Variants in RIPOR2 observed in about 807,000 individuals in gnomAD.
The protein encoded by RIPOR2 is RHO family interacting cell polarization regulator 2.
Under a neutral mutation model 114.5 loss-of-function variants are expected in RIPOR2, and 39 were observed. The observed-to-expected ratio is 0.34, with a 90% CI of 0.26 to 0.44. The LOEUF is 0.44. Among genes scored for constraint, RIPOR2 ranks in the 20% least tolerant of loss-of-function variants. The probability of loss-of-function intolerance (pLI) is 1.00; values close to 1 mark genes in which losing one functional copy is unlikely to be tolerated. For missense variants in RIPOR2, 1,007 were observed against 1,255.1 expected (o/e 0.80, Z 2.99); for synonymous variants, 445 against 484.4 (o/e 0.92, Z 1.07).
chr6:24,881,038 T>C (rs951449789), intron 1 of RIPOR2, among the ~76,000 whole-genome samples: 1 of 152,082 alleles, frequency 6.6e-6, no homozygotes, highest in Non-Finnish European at 1.5e-5. Flanking sequence ...GGTCAGGAGT[T>C]TGAGACCAGC....
intron 1 of RIPOR2, among the ~76,000 whole-genome samples, chr6:24,945,047 T>G (rs1772338939): frequency 6.6e-6 from 1 of 152,118 alleles, no homozygotes; most frequent in Admixed American, 6.6e-5. Context: ...GATATATGTT[T>G]GAAGTGATGG....
chr6:24,870,844 C>G, intron 5 of RIPOR2, 22 bp downstream of exon 5: 2 of 1,596,144 alleles, frequency 1.3e-6, no homozygotes, highest in Non-Finnish European at 1.7e-6. Context: ...TATTAGCACC[C>G]CAACACGGAA....
intron 1 of RIPOR2, among the ~76,000 whole-genome samples, chr6:24,929,099 G>C (rs1771179893): frequency 6.6e-6 from 1 of 152,040 alleles, no homozygotes; most frequent in African/African-American, 2.4e-5. Context: ...TTGCTTTCTG[G>C]AGAAACACTG....
chr6:24,885,014 AATTATT>A (rs1766695716), intron 1 of RIPOR2, among the ~76,000 whole-genome samples: 1 of 152,190 alleles, frequency 6.6e-6, no homozygotes, highest in African/African-American at 2.4e-5. Context: ...CAATCAATAT[AATTATT>A]AAGTATATAT....
chr6:24,859,419 C>G (rs1245652344), intron 8 of RIPOR2, among the ~76,000 whole-genome samples: 2 of 152,102 alleles, frequency 1.3e-5, no homozygotes. Context: ...ATTGATCAGG[C>G]TGCTGATAGA....
chr6:24,847,689 C>T (rs1462514417), intron 12 of RIPOR2: 6 of 1,550,272 alleles, frequency 3.9e-6, no homozygotes, highest in Admixed American at 2.0e-5. Context: ...GATGCAGCCA[C>T]CTCTTCAGAA....
chr6:24,972,579 G>A (rs562076365), intron 1 of RIPOR2, among the ~76,000 whole-genome samples: 2 of 152,310 alleles, frequency 1.3e-5, no homozygotes, highest in Admixed American at 6.5e-5. Flanking sequence ...GGCTTCAGGG[G>A]TTTTATGATG....
chr6:25,038,615 A>G (rs1185374125), intron 1 of RIPOR2, among the ~76,000 whole-genome samples: 1 of 152,240 alleles, frequency 6.6e-6, no homozygotes, highest in Non-Finnish European at 1.5e-5. Context: ...CAGGCCTACA[A>G]CTGCAAGGAA....
chr6:24,843,797 G>A (rs1346015716), intron 12 of RIPOR2, among the ~76,000 whole-genome samples: 1 of 151,338 alleles, frequency 6.6e-6, no homozygotes, highest in Non-Finnish European at 1.5e-5. Flanking sequence ...TTGAATCTAG[G>A]TGAAAGTTCA....
intron 1 of RIPOR2, among the ~76,000 whole-genome samples, chr6:25,034,225 C>T (rs1033235326): frequency 5.4e-5 from 8 of 147,068 alleles, no homozygotes; most frequent in Admixed American, 2.8e-4. Context: ...ATACAACATG[C>T]GCATATTAGC....
intron 1 of RIPOR2, among the ~76,000 whole-genome samples, chr6:24,919,025 C>T (rs1466480835): frequency 3.9e-5 from 6 of 152,222 alleles, no homozygotes; most frequent in Non-Finnish European, 8.8e-5. Context: ...CAAGATTCAT[C>T]CCCATGGGCC....
chr6:24,900,926 C>T (rs1008538078), intron 1 of RIPOR2, among the ~76,000 whole-genome samples: 1 of 152,144 alleles, frequency 6.6e-6, no homozygotes, highest in African/African-American at 2.4e-5. Context: ...ATGATCTTCC[C>T]ACCTCAGCCT....
intron 1 of RIPOR2, among the ~76,000 whole-genome samples, chr6:24,971,974 C>T (rs919446171): frequency 9.2e-5 from 14 of 151,968 alleles, no homozygotes; most frequent in East Asian, 7.7e-4. Flanking sequence ...ATAGAGCTTT[C>T]GACATATTAT....
intron 1 of RIPOR2, among the ~76,000 whole-genome samples, chr6:24,957,708 C>T (rs571973413): frequency 6.6e-6 from 1 of 151,954 alleles, no homozygotes; most frequent in East Asian, 1.9e-4. Context: ...CCCGTCTCCA[C>T]TGAAAAATAC....
intron 1 of RIPOR2, among the ~76,000 whole-genome samples, chr6:24,927,315 CACT>C (rs1487028410): frequency 4.6e-5 from 5 of 109,158 alleles, no homozygotes; most frequent in Admixed American, 8.9e-5. Flanking sequence ...CAACTACAAT[CACT>C]ACCACCATCA....
chr6:24,850,826 G>T, intron 9 of RIPOR2, 104 bp from the exon 10 acceptor site: 1 of 1,295,992 alleles, frequency 7.7e-7, no homozygotes, highest in Non-Finnish European at 1.1e-6. Flanking sequence ...GCTGCCCTCC[G>T]CTTCTCCCTT....
At chr6:24,999,035 G>C (rs1775177491) in intron 1 of RIPOR2, among the ~76,000 whole-genome samples, 1 of 152,152 alleles carries the variant, frequency 6.6e-6, no homozygotes, top group African/African-American at 2.4e-5. Flanking sequence ...CCTCCTAATT[G>C]ATCTGGGAGA....
chr6:24,935,990 T>C, upstream of RIPOR2: 1 of 968,928 alleles, frequency 1.0e-6, no homozygotes, highest in Non-Finnish European at 1.6e-6. Context: ...TTTCCTTGGG[T>C]TGCCCAAGCC....
At chr6:24,905,995 A>G (rs1056104917) in intron 1 of RIPOR2, among the ~76,000 whole-genome samples, 1 of 152,240 alleles carries the variant, frequency 6.6e-6, no homozygotes, top group Non-Finnish European at 1.5e-5. Flanking sequence ...CATTAAACCC[A>G]AAAGTGAAGA....
Sources: allele counts gnomAD v4.1 joint callset (sites outside exome capture counted in the v4.1 genomes callset), GRCh38; gene constraint gnomAD v4.1.1; transcripts MANE v1.5; gene names NCBI Gene and HGNC (gene_info 2026-07-23, HGNC 2026-07-21).